Variants in ZNF407 observed in about 807,000 individuals in gnomAD.
The protein encoded by ZNF407 is zinc finger protein 407.
ZNF407 carries 17 observed loss-of-function variants against 131.2 expected under a neutral mutation model. The observed-to-expected ratio is 0.13, with a 90% CI of 0.09 to 0.19. ZNF407 has a LOEUF of 0.19. ZNF407 is among the 10% of genes least tolerant of loss of function. ZNF407 has a pLI of 1.00. For missense variants in ZNF407, 2,681 were observed against 2,830.6 expected (o/e 0.95, Z 1.20); for synonymous variants, 1,156 against 1,062.0 (o/e 1.09, Z -1.72).
chr18:74,655,964 A>G lies in ZNF407; in HGVS notation c.4802+14842A>G, dbSNP rs147788052. Among the ~76,000 whole-genome samples the G allele has an allele frequency of 2.3e-3, 346 of 152,254 alleles. 4 individuals are homozygous for G. The highest frequency in any genetic ancestry group is 7.8e-3 in the African/African-American group (323 of 41,550). The stretch of plus-strand genomic sequence containing the variant: ...TATTAATAAGCATTTTTGCTCAACT[A>G]TATAAATTATAAAAATAATGCTAAG... On this transcript the variant is annotated intron_variant, in intron 3 of 8. Coordinates refer to ENST00000299687, the MANE Select transcript of ZNF407 (RefSeq NM_017757.3).
At position 75,006,576 on chromosome 18, in the gene ZNF407, C is replaced by A. The variant is rs142158999; in HGVS notation, c.5429-56574C>A. ...GGTGGGTTTTAAAAAAATTTTCCTC[C>A]TTATTATTAATCTATAATATAATTG... On this transcript the variant is annotated intron_variant, in intron 8 of 8. Coordinates refer to ENST00000299687, the MANE Select transcript of ZNF407 (RefSeq NM_017757.3). 8.5e-5 allele frequency among the ~76,000 whole-genome samples: 13 copies of A among 152,210 alleles called. No homozygotes were observed. The East Asian group carries it at 1.9e-3, about 23-fold the overall frequency.
At chr18:74,678,257 C>CT (rs1966898636) in intron 3 of ZNF407, among the ~76,000 whole-genome samples, 1 of 152,188 alleles carries the variant, frequency 6.6e-6, no homozygotes, top group Non-Finnish European at 1.5e-5. Flanking sequence ...AGGATCATCT[C>CT]AACTGTATTG....
intron 1 of ZNF407, among the ~76,000 whole-genome samples, chr18:74,611,367 CAT>C (rs1983052425): frequency 6.6e-6 from 1 of 152,140 alleles, no homozygotes; most frequent in Non-Finnish European, 1.5e-5. Context: ...GGAGAATAGA[CAT>C]ATTCAGCACA....
At chr18:74,697,072 A>T (rs545167908) in intron 3 of ZNF407, among the ~76,000 whole-genome samples, 176 of 152,324 alleles carry the variant, frequency 1.2e-3, no homozygotes, top group African/African-American at 3.9e-3. Context: ...CTTTGTCCTG[A>T]GAGGCAGCTA....
intron 8 of ZNF407, among the ~76,000 whole-genome samples, chr18:74,965,898 T>C (rs1376397632): frequency 6.6e-6 from 1 of 152,224 alleles, no homozygotes; most frequent in Non-Finnish European, 1.5e-5. Context: ...TTGATTTACA[T>C]TTTGATTGAT....
intron 3 of ZNF407, among the ~76,000 whole-genome samples, chr18:74,667,302 C>T (rs553225520): frequency 1.3e-4 from 20 of 152,284 alleles, no homozygotes; most frequent in African/African-American, 4.3e-4. Flanking sequence ...AACTAAAGTG[C>T]TTTTCATTTG....
At chr18:74,979,339 C>T (rs374325831) in intron 8 of ZNF407, among the ~76,000 whole-genome samples, 115 of 152,272 alleles carry the variant, frequency 7.6e-4, no homozygotes, top group African/African-American at 2.7e-3. Context: ...TCGCCCAGGT[C>T]GGAGTGCAGT....
At chr18:75,038,032 T>C (rs1973329931) in intron 8 of ZNF407, among the ~76,000 whole-genome samples, 1 of 152,226 alleles carries the variant, frequency 6.6e-6, no homozygotes, top group African/African-American at 2.4e-5. Flanking sequence ...AATCATAACG[T>C]GAAGACTAAT....
chr18:74,821,477 G>T (rs992969088), intron 4 of ZNF407, among the ~76,000 whole-genome samples: 1 of 151,216 alleles, frequency 6.6e-6, no homozygotes, highest in African/African-American at 2.4e-5. Flanking sequence ...GTGTCCATGC[G>T]TTCTCATTGT....
At chr18:74,615,210 A>C (rs1384777045) in intron 1 of ZNF407, among the ~76,000 whole-genome samples, 1 of 152,242 alleles carries the variant, frequency 6.6e-6, no homozygotes, top group Non-Finnish European at 1.5e-5. Flanking sequence ...GAGTGAGATA[A>C]AAACTTTTAT....
rs763677212 is a variant in ZNF407, at chr18:74,703,707, C to T, written c.4802+62585C>T. Among the ~76,000 whole-genome samples, 1 of 151,892 alleles carries T rather than the reference C, an allele frequency of 6.6e-6. No homozygotes were observed. Among genetic ancestry groups the T allele is most frequent in the Non-Finnish European group, 1.5e-5 (1 of 67,980 alleles). ...GCTATGAGATTGATTTTTTTTTTAA[C>T]TGAATATGGTAATGTTTTTAATACA... On this transcript the variant is annotated intron_variant, in intron 3 of 8. Coordinates refer to ENST00000299687, the MANE Select transcript of ZNF407 (RefSeq NM_017757.3). This position sits in a 1 kb window ranked among gnomAD's most constrained non-coding sequence, Gnocchi z 4.1.
At chr18:74,947,217 G>A (rs966712601) in intron 8 of ZNF407, among the ~76,000 whole-genome samples, 24 of 152,044 alleles carry the variant, frequency 1.6e-4, no homozygotes, top group Non-Finnish European at 3.5e-4. Flanking sequence ...TTTCTAACAA[G>A]GCTCTTTTAT....
chr18:74,634,389 G>A lies in ZNF407; in HGVS notation c.3370G>A (p.Ala1124Thr). The change falls in exon 2 of 9, where the codon GCT (alanine) becomes ACT (threonine). Residue 1124 changes from alanine to threonine, a missense_variant. Around this residue, in one of 6 missense-constraint regions of ZNF407, gnomAD observed 1,789 missense variants for 1,748.7 expected, o/e 1.02. Transcript: ENST00000299687. ...QPSDTLKSRN[A>T]ADCSILNENT... is the part of the protein sequence containing the mutation. Reference sequence around the variant, plus strand: ...ATCTGATACTCTTAAATCTAGAAATGCTGCAGATTGCTCTATTTTAAATGA... The same window carrying A: ...ATCTGATACTCTTAAATCTAGAAATACTGCAGATTGCTCTATTTTAAATGA... The A allele has an allele frequency of 6.2e-7, 1 of 1,613,658 alleles. No homozygotes were observed. The highest frequency in any genetic ancestry group is 8.5e-7 in the Non-Finnish European group (1 of 1,179,856).
At chr18:74,723,180 A>G (rs191169964) in intron 3 of ZNF407, among the ~76,000 whole-genome samples, 1 of 151,688 alleles carries the variant, frequency 6.6e-6, no homozygotes, top group Admixed American at 6.6e-5. Context: ...TTTTTTTCTT[A>G]TTTGTTGAGA....
intron 8 of ZNF407, among the ~76,000 whole-genome samples, chr18:75,003,959 T>A (rs2122165655): frequency 6.6e-6 from 1 of 152,336 alleles, no homozygotes; most frequent in African/African-American, 2.4e-5. Context: ...CCTGGGGACC[T>A]GTAAGAATGC....
chr18:74,734,574 A>T (rs1240579510), intron 3 of ZNF407, among the ~76,000 whole-genome samples: 7 of 151,910 alleles, frequency 4.6e-5, no homozygotes, highest in Non-Finnish European at 8.8e-5. Flanking sequence ...TTTAAGGAGG[A>T]TAGTTTCAGT....
intron 3 of ZNF407, among the ~76,000 whole-genome samples, chr18:74,647,254 G>A (rs185954653): frequency 4.6e-4 from 70 of 152,174 alleles, no homozygotes; most frequent in Non-Finnish European, 7.4e-4. Context: ...ATCAGCCTGA[G>A]CAACATAGGG....
chr18:74,670,371 ATG>A (rs1216182640), intron 3 of ZNF407, among the ~76,000 whole-genome samples: 8 of 152,212 alleles, frequency 5.3e-5, no homozygotes, highest in African/African-American at 1.9e-4. Flanking sequence ...ACAAAATTGG[ATG>A]TCTGAAAGAT....
At chr18:74,680,981 T>C (rs1051649060) in intron 3 of ZNF407, among the ~76,000 whole-genome samples, 1 of 152,212 alleles carries the variant, frequency 6.6e-6, no homozygotes, top group Non-Finnish European at 1.5e-5. Context: ...AGTAGAGCAT[T>C]GATTATATCT....
Sources: allele counts gnomAD v4.1 joint callset (sites outside exome capture counted in the v4.1 genomes callset), GRCh38; gene constraint gnomAD v4.1.1; regional missense constraint gnomAD v4.1.1; non-coding constraint Gnocchi (gnomAD v3.1); transcripts MANE v1.5; gene names NCBI Gene and HGNC (gene_info 2026-07-23, HGNC 2026-07-21).